Variants in HEMK2 observed in about 807,000 individuals in gnomAD.
The protein encoded by HEMK2 is methyltransferase HEMK2.
At chr21:28,683,385 A>G in the HEMK2 span, among the ~76,000 whole-genome samples, 2 of 152,202 alleles carry the variant, frequency 1.3e-5, no homozygotes, top group African/African-American at 4.8e-5. Context: ...ACCCAGCTTT[A>G]TAACTGCAGT....
At chr21:28,814,036 G>T in the HEMK2 span, among the ~76,000 whole-genome samples, 3 of 152,136 alleles carry the variant, frequency 2.0e-5, no homozygotes, top group Non-Finnish European at 1.5e-5. Flanking sequence ...AGGAGATTGA[G>T]ACCATCCTGG....
the HEMK2 span, among the ~76,000 whole-genome samples, chr21:28,778,996 CA>C: frequency 7.1e-4 from 108 of 152,226 alleles, 1 homozygote; most frequent in Admixed American, 6.3e-3. Context: ...CAGATCAACC[CA>C]AAGGGAAGCC....
the HEMK2 span, chr21:28,885,097 T>C: frequency 7.2e-7 from 1 of 1,380,134 alleles, no homozygotes; most frequent in Non-Finnish European, 9.5e-7. Flanking sequence ...CATCTGCAAG[T>C]GGACCCCGCC....
the HEMK2 span, among the ~76,000 whole-genome samples, chr21:28,866,527 C>T: frequency 6.6e-6 from 1 of 152,062 alleles, no homozygotes; most frequent in African/African-American, 2.4e-5. Flanking sequence ...CCCCTCTCTA[C>T]TCAAAATACA....
chr21:28,691,304 A>G, the HEMK2 span, among the ~76,000 whole-genome samples: 1 of 152,238 alleles, frequency 6.6e-6, no homozygotes, highest in African/African-American at 2.4e-5. Context: ...TTTTGAAACA[A>G]TGAATTGATT....
At chr21:28,831,499 G>GA in the HEMK2 span, among the ~76,000 whole-genome samples, 2 of 77,148 alleles carry the variant, frequency 2.6e-5, no homozygotes, top group African/African-American at 5.8e-5. Flanking sequence ...AAGAAAGAAA[G>GA]AAAGAAAGAA....
the HEMK2 span, among the ~76,000 whole-genome samples, chr21:28,837,210 C>T: frequency 3.3e-5 from 5 of 152,168 alleles, no homozygotes; most frequent in South Asian, 4.1e-4. Flanking sequence ...CAGATATATA[C>T]GGAACAGTTC....
chr21:28,831,455 A>AAAGAAAG, the HEMK2 span, among the ~76,000 whole-genome samples: 2 of 56,968 alleles, frequency 3.5e-5, no homozygotes, highest in African/African-American at 2.0e-4. Context: ...AAAAAGAAAG[A>AAAGAAAG]AAAGAACGAA....
At chr21:28,578,390 C>T in the HEMK2 span, among the ~76,000 whole-genome samples, 1 of 152,192 alleles carries the variant, frequency 6.6e-6, no homozygotes, top group Non-Finnish European at 1.5e-5. Context: ...GGAAGGATTT[C>T]CACCCTCAGG....
chr21:28,637,972 T>C, the HEMK2 span, among the ~76,000 whole-genome samples: 1 of 152,218 alleles, frequency 6.6e-6, no homozygotes, highest in Admixed American at 6.5e-5. Context: ...CATGGGTGGT[T>C]ATTTGATCTT....
At chr21:28,631,233 G>C in the HEMK2 span, among the ~76,000 whole-genome samples, 1 of 152,160 alleles carries the variant, frequency 6.6e-6, no homozygotes, top group East Asian at 1.9e-4. Flanking sequence ...TACTAGGAAA[G>C]GAGACAATAT....
At chr21:28,831,113 C>T in the HEMK2 span, among the ~76,000 whole-genome samples, 8 of 151,788 alleles carry the variant, frequency 5.3e-5, no homozygotes, top group African/African-American at 9.7e-5. Context: ...GTCATAGCTA[C>T]GCAAACAGAA....
chr21:28,715,011 T>C, the HEMK2 span, among the ~76,000 whole-genome samples: 83 of 152,342 alleles, frequency 5.4e-4, no homozygotes, highest in Middle Eastern at 0.014. Context: ...ATGGTGTATA[T>C]GTACCACATT....
At chr21:28,872,747 CAGA>C in the HEMK2 span, 1 of 152,042 alleles carries the variant, frequency 6.6e-6, no homozygotes, top group Non-Finnish European at 1.5e-5. Flanking sequence ...CATCTGAGGA[CAGA>C]AGATGAGATG....
At chr21:28,768,469 C>G in the HEMK2 span, among the ~76,000 whole-genome samples, 1 of 152,050 alleles carries the variant, frequency 6.6e-6, no homozygotes, top group African/African-American at 2.4e-5. Flanking sequence ...CATTCTTTTT[C>G]ATTTCAGATC....
the HEMK2 span, among the ~76,000 whole-genome samples, chr21:28,836,265 C>T: frequency 6.6e-6 from 1 of 152,084 alleles, no homozygotes; most frequent in Non-Finnish European, 1.5e-5. Context: ...GCAAGCAAAA[C>T]CTATCAGATT....
chr21:28,717,407 A>C, the HEMK2 span, among the ~76,000 whole-genome samples: 1 of 150,476 alleles, frequency 6.6e-6, no homozygotes, highest in African/African-American at 2.5e-5. Flanking sequence ...TAGTTTGTAT[A>C]CCTAGAAGTG....
chr21:28,739,980 C>G, the HEMK2 span, among the ~76,000 whole-genome samples: 3 of 152,252 alleles, frequency 2.0e-5, no homozygotes, highest in South Asian at 4.1e-4. Context: ...CTCTTTCCAT[C>G]AAGTTTCAGC....
chr21:28,830,750 G>A, the HEMK2 span, among the ~76,000 whole-genome samples: 7,314 of 151,898 alleles, frequency 0.048, 239 homozygotes, highest in East Asian at 0.16. Flanking sequence ...GGTGGCAGGC[G>A]CATGCAATCC....
Sources: gnomAD v4.1 joint callset for allele counts (sites outside exome capture counted in the v4.1 genomes callset) on GRCh38, gnomAD v4.1.1 for gene constraint, MANE v1.5 for transcripts, NCBI Gene and HGNC (gene_info 2026-07-23, HGNC 2026-07-21) for gene names.